ERC2: variants seen among roughly 807,000 people sequenced by gnomAD.
ERC2 encodes ERC protein 2.
ERC2 carries 42 observed loss-of-function variants against 114.8 expected under a neutral mutation model. The ratio of observed to expected loss-of-function variants is 0.37; its 90% CI spans 0.29 to 0.47. The LOEUF (loss-of-function observed/expected upper bound fraction) is 0.47. ERC2 is among the 20% of genes least tolerant of loss of function. ERC2 has a pLI of 0.99. For missense variants in ERC2, 939 were observed against 1,150.7 expected, an observed-to-expected ratio of 0.82 and a Z score of 2.66; for synonymous variants, 454 against 425.5, an observed-to-expected ratio of 1.07 and a Z score of -0.82.
At chr3:56,148,895 G>T in intron 5 of ERC2, 82 bp downstream of exon 5, 1 of 1,239,896 alleles carries the variant, frequency 8.1e-7, no homozygotes, top group East Asian at 2.3e-5. Context: ...ATATTATATG[G>T]AGTATTTGGA....
intron 14 of ERC2, among the ~76,000 whole-genome samples, chr3:55,887,502 C>T (rs926141873): frequency 8.5e-5 from 13 of 152,260 alleles, no homozygotes; most frequent in Non-Finnish European, 1.3e-4. Flanking sequence ...ATGTATGTTT[C>T]CCCTTACTGT....
At chr3:56,344,164 G>GA (rs2150503438) in intron 2 of ERC2, among the ~76,000 whole-genome samples, 1 of 152,264 alleles carries the variant, frequency 6.6e-6, no homozygotes, top group South Asian at 2.1e-4. Context: ...ACATCTCCTG[G>GA]AAAAAGTGGC....
chr3:55,570,839 A>G (rs2056663254), intron 17 of ERC2, among the ~76,000 whole-genome samples: 1 of 152,156 alleles, frequency 6.6e-6, no homozygotes, highest in Admixed American at 6.5e-5. Context: ...ATTAATAATG[A>G]GAAGTGGGCC....
intron 10 of ERC2, among the ~76,000 whole-genome samples, chr3:56,000,292 A>C (rs555695502): frequency 6.6e-6 from 1 of 152,246 alleles, no homozygotes; most frequent in South Asian, 2.1e-4. Flanking sequence ...ATCAGAGAAT[A>C]GTTTCCAGAA....
intron 17 of ERC2, among the ~76,000 whole-genome samples, chr3:55,515,025 G>A (rs1053302659): frequency 2.0e-5 from 3 of 152,140 alleles, no homozygotes; most frequent in East Asian, 1.9e-4. Flanking sequence ...CTGTATTCTT[G>A]GGAGGAAGAC....
chr3:55,985,587 C>A (rs140410568), intron 12 of ERC2, among the ~76,000 whole-genome samples: 28 of 152,206 alleles, frequency 1.8e-4, no homozygotes, highest in Non-Finnish European at 2.6e-4. Context: ...GTGTCATGGG[C>A]AGATATTTTG....
intron 3 of ERC2, among the ~76,000 whole-genome samples, chr3:56,195,443 A>G (rs2048035421): frequency 6.6e-6 from 1 of 152,088 alleles, no homozygotes; most frequent in South Asian, 2.1e-4. Context: ...AATCGTGGAT[A>G]AGGGGGAACT....
At chr3:55,817,124 C>A (rs554345185) in intron 14 of ERC2, among the ~76,000 whole-genome samples, 62 of 152,296 alleles carry the variant, frequency 4.1e-4, no homozygotes, top group African/African-American at 1.4e-3. Context: ...CTTGCTAGAC[C>A]CTGGTTTAAG....
At chr3:56,026,429 C>A (rs550181272) in intron 7 of ERC2, among the ~76,000 whole-genome samples, 52 of 152,228 alleles carry the variant, frequency 3.4e-4, no homozygotes, top group Admixed American at 4.6e-4. Context: ...AGGAAAGCTG[C>A]TTTAATGAGA....
chr3:56,042,010 G>A (rs1230084101), intron 7 of ERC2, among the ~76,000 whole-genome samples: 1 of 152,130 alleles, frequency 6.6e-6, no homozygotes, highest in African/African-American at 2.4e-5. Context: ...TGATTAAGGT[G>A]ACCCAGCAAA....
chr3:55,621,345 C>T (rs374592954), intron 17 of ERC2, among the ~76,000 whole-genome samples: 36 of 152,306 alleles, frequency 2.4e-4, no homozygotes, highest in African/African-American at 8.7e-4. Flanking sequence ...TTCCTTTTCA[C>T]TTAGGGCAAA....
intron 15 of ERC2, 130 bp from the exon 16 acceptor site, chr3:55,699,642 G>T: frequency 9.8e-7 from 1 of 1,025,182 alleles, no homozygotes; most frequent in Non-Finnish European, 1.4e-6. Context: ...TGTTAGTCAA[G>T]TTGAAACTTA....
At chr3:55,833,169 A>T (rs1263822019) in intron 14 of ERC2, among the ~76,000 whole-genome samples, 1 of 150,168 alleles carries the variant, frequency 6.7e-6, no homozygotes, top group East Asian at 1.9e-4. Context: ...AATGGAACCA[A>T]GTTGGAAAAC....
intron 17 of ERC2, among the ~76,000 whole-genome samples, chr3:55,667,181 T>C (rs1434772672): frequency 2.6e-5 from 4 of 152,210 alleles, no homozygotes. Context: ...GAATGAAAAC[T>C]TAACAGCATT....
chr3:55,781,847 G>A (rs2069082724), intron 14 of ERC2, among the ~76,000 whole-genome samples: 1 of 150,458 alleles, frequency 6.6e-6, no homozygotes, highest in African/African-American at 2.5e-5. Context: ...ACTCCCGCCG[G>A]GGCAACAAGA....
rs1331002511 is a variant in ERC2 at position 55,770,665 on chromosome 3, AATGTGCAGGTTTGTTACATAGGTACAC to A, written c.2565-35774_2565-35748del. On this transcript the variant is annotated intron_variant, in intron 14 of 17. Transcript: ENST00000288221. Reference sequence around the variant, plus strand: ...TTTAAGTTCTGGGATACATGTGCAGAATGTGCAGGTTTGTTACATAGGTACACATGTGCAGGTTTGTTACATAGGTAC... The same window carrying A: ...TTTAAGTTCTGGGATACATGTGCAGAATGTGCAGGTTTGTTACATAGGTAC... 2.0e-4 allele frequency among the ~76,000 whole-genome samples: 31 copies of A among 152,316 alleles called. No individual in the cohort carries two copies. In the South Asian group the frequency reaches 4.4e-3, roughly 21 times the overall value.
At chr3:55,802,434 CTA>C (rs2059337521) in intron 14 of ERC2, among the ~76,000 whole-genome samples, 1 of 152,080 alleles carries the variant, frequency 6.6e-6, no homozygotes, top group Non-Finnish European at 1.5e-5. Flanking sequence ...TGTGGGAATG[CTA>C]TGTCATTTTT....
chr3:55,574,309 A>T (rs2056866600), intron 17 of ERC2, among the ~76,000 whole-genome samples: 1 of 152,164 alleles, frequency 6.6e-6, no homozygotes, highest in South Asian at 2.1e-4. Context: ...TTCTCTGTCA[A>T]TTCCCTAATG....
At chr3:56,328,614 A>G (rs1453225408) in intron 2 of ERC2, among the ~76,000 whole-genome samples, 2 of 152,180 alleles carry the variant, frequency 1.3e-5, no homozygotes, top group African/African-American at 4.8e-5. Flanking sequence ...GCATAATAAT[A>G]CCCTCAAGTA....
Sources: allele counts gnomAD v4.1 joint callset (sites outside exome capture counted in the v4.1 genomes callset), GRCh38; gene constraint gnomAD v4.1.1; transcripts MANE v1.5; gene names NCBI Gene and HGNC (gene_info 2026-07-23, HGNC 2026-07-21).